CDS2: variants seen among roughly 807,000 people sequenced by gnomAD.
CDS2 encodes the protein phosphatidate cytidylyltransferase 2.
Under a neutral mutation model 59.0 loss-of-function variants are expected in CDS2, and 47 were observed. The observed-to-expected ratio is 0.80, with a 90% CI of 0.63 to 1.02. The LOEUF (loss-of-function observed/expected upper bound fraction) is 1.02. Ranked by LOEUF, CDS2 falls within the 50% of genes least tolerant of loss-of-function variation. The probability of loss-of-function intolerance (pLI) is 0.00; values close to 1 mark genes in which losing one functional copy is unlikely to be tolerated. For missense variants in CDS2, 356 were observed against 558.9 expected (o/e 0.64, Z 3.66); for synonymous variants, 207 against 206.4 (o/e 1.00, Z -0.02).
intron 1 of CDS2, among the ~76,000 whole-genome samples, chr20:5,127,761 G>A (rs992758059): frequency 2.6e-5 from 4 of 152,168 alleles, no homozygotes; most frequent in African/African-American, 9.7e-5. Context: ...GGTGGGTAGG[G>A]GAGGAGAGTA....
Position 5,184,351 on chromosome 20 carries a change from T to C in CDS2, c.672-507T>C, listed in dbSNP as rs2091051920. 1.3e-5 allele frequency among the ~76,000 whole-genome samples: 2 copies of C among 151,960 alleles called. No homozygotes were observed. The highest frequency in any genetic ancestry group is 1.3e-4 in the Admixed American group (2 of 15,252). On this transcript the variant is annotated intron_variant, in intron 7 of 12. Coordinates refer to ENST00000460006, the MANE Select transcript of CDS2 (RefSeq NM_003818.4). This position sits in a 1 kb window ranked among gnomAD's most constrained non-coding sequence, Gnocchi z 4.3. ...TGCGTGTTGGGGTTTCACACTCAAA[T>C]ACAGTCCTGGGGAAAGATAGGGCCA...
intron 1 of CDS2, among the ~76,000 whole-genome samples, chr20:5,143,611 T>TTTC (rs573730329): frequency 3.5e-4 from 53 of 150,946 alleles, no homozygotes; most frequent in African/African-American, 7.6e-4. Flanking sequence ...TCTTTTTCTT[T>TTTC]TTCTTCTTCT....
chr20:5,151,208 A>G (rs1457380866), intron 1 of CDS2, among the ~76,000 whole-genome samples: 3 of 152,248 alleles, frequency 2.0e-5, no homozygotes, highest in African/African-American at 4.8e-5. Flanking sequence ...GACATATGAT[A>G]TACTTAGTAT....
At chr20:5,174,737 T>A (rs889178346) in intron 2 of CDS2, among the ~76,000 whole-genome samples, 118 of 151,254 alleles carry the variant, frequency 7.8e-4, no homozygotes, top group African/African-American at 2.6e-3. Context: ...AAAAAAAAAA[T>A]TATGCATATT....
At position 5,178,901 on chromosome 20, in the gene CDS2, T is replaced by C. The variant is rs1184456357; in HGVS notation, c.474T>C (p.Pro158=). Residue 158 remains proline, a synonymous_variant, in exon 5 of 13, where the codon CCT becomes CCC. Transcript: ENST00000460006. ...TCACCCTGGTCCAGAGAGAAGAGCCTTTGCGGATTCTCAGTAAATACCACC... is the reference window on the plus strand; with the variant it reads ...TCACCCTGGTCCAGAGAGAAGAGCCCTTGCGGATTCTCAGTAAATACCACC... ...YFFTLVQREE[P]LRILSKYHRF... 1 of 1,614,082 alleles carries C rather than the reference T, an allele frequency of 6.2e-7. No homozygotes were observed.
intron 1 of CDS2, among the ~76,000 whole-genome samples, chr20:5,132,743 T>C (rs2090617707): frequency 6.6e-6 from 1 of 152,220 alleles, no homozygotes; most frequent in South Asian, 2.1e-4. Context: ...TTCTTATTTT[T>C]GTTGCTCAAA....
At chr20:5,187,055 T>A (rs2091074776) in intron 10 of CDS2, 1 of 485,486 alleles carries the variant, frequency 2.1e-6, no homozygotes, top group East Asian at 3.4e-5. Flanking sequence ...TCAAAGTGTG[T>A]TCTGTGGATC....
At chr20:5,176,806 C>T in intron 4 of CDS2, 61 bp downstream of exon 4, 1 of 1,145,846 alleles carries the variant, frequency 8.7e-7, no homozygotes, top group Non-Finnish European at 1.3e-6. Flanking sequence ...GTGGCAGGTA[C>T]TTACAGTGAC....
intron 1 of CDS2, among the ~76,000 whole-genome samples, chr20:5,132,979 T>A (rs1267836763): frequency 2.0e-5 from 3 of 150,688 alleles, no homozygotes; most frequent in African/African-American, 4.9e-5. Context: ...GAGACCATCC[T>A]GGCTAAGACG....
intron 1 of CDS2, among the ~76,000 whole-genome samples, 173 bp downstream of exon 1, chr20:5,127,322 G>A (rs866283040): frequency 1.3e-5 from 2 of 152,216 alleles, no homozygotes; most frequent in African/African-American, 4.8e-5. Context: ...CGGCGCGCGC[G>A]TCAGGGGTCG....
rs1423774672 is a variant in CDS2 at position 5,196,664 on chromosome 20, AG to A, written c.*6431del. On this transcript the variant is annotated 3_prime_UTR_variant, in exon 13 of 13. Coordinates refer to ENST00000460006, the MANE Select transcript of CDS2 (RefSeq NM_003818.4). ...GAACAGCAGAGTAGAAAAGAGGTTG[AG>A]AATGTTTTCTAGCAGGCAGAATGTG... The A allele has an allele frequency of 6.6e-6, 1 of 152,238 alleles. No individual in the cohort carries two copies. The highest frequency in any genetic ancestry group is 2.4e-5 in the African/African-American group (1 of 41,442). 9.4% of individuals were successfully genotyped at this position (152,238 alleles called of 1,614,324 possible). A position where few individuals can be genotyped will look rare whatever the true frequency, so the allele number is the denominator to read the frequency against.
intron 1 of CDS2, among the ~76,000 whole-genome samples, chr20:5,144,495 T>G (rs1357945466): frequency 6.6e-6 from 1 of 152,190 alleles, no homozygotes; most frequent in Non-Finnish European, 1.5e-5. Flanking sequence ...AACTTTAATC[T>G]TCCTATGATG....
intron 1 of CDS2, among the ~76,000 whole-genome samples, chr20:5,154,071 A>G (rs1288577178): frequency 6.6e-6 from 1 of 151,820 alleles, no homozygotes; most frequent in Non-Finnish European, 1.5e-5. Context: ...ATTTCTTTCC[A>G]CCCCGTTCCC....
intron 1 of CDS2, among the ~76,000 whole-genome samples, chr20:5,158,975 G>C (rs901172890): frequency 3.9e-4 from 59 of 152,174 alleles, no homozygotes; most frequent in Non-Finnish European, 1.6e-4. Context: ...TGAGGCACTT[G>C]ATGTTAGGAA....
intron 1 of CDS2, among the ~76,000 whole-genome samples, chr20:5,128,910 A>G (rs1217140838): frequency 6.6e-6 from 1 of 152,170 alleles, no homozygotes. Flanking sequence ...ACTATGTACA[A>G]TAATTAGAAT....
intron 1 of CDS2, among the ~76,000 whole-genome samples, chr20:5,161,490 A>G (rs1301228641): frequency 3.3e-5 from 5 of 152,246 alleles, no homozygotes; most frequent in Admixed American, 2.6e-4. Context: ...CAGAGTCCCA[A>G]GGATTCAATC....
At chr20:5,132,973 C>T (rs2090619531) in intron 1 of CDS2, among the ~76,000 whole-genome samples, 1 of 151,386 alleles carries the variant, frequency 6.6e-6, no homozygotes, top group Non-Finnish European at 1.5e-5. Flanking sequence ...GACATTGAGA[C>T]CATCCTGGCT....
At chr20:5,154,470 T>G (rs1425411293) in intron 1 of CDS2, among the ~76,000 whole-genome samples, 2 of 152,200 alleles carry the variant, frequency 1.3e-5, no homozygotes, top group African/African-American at 4.8e-5. Context: ...TCTTCCACTC[T>G]GAGCATTCGT....
At chr20:5,139,200 G>A (rs11697688) in intron 1 of CDS2, among the ~76,000 whole-genome samples, 19,887 of 152,082 alleles carry the variant, frequency 0.13, 1,548 homozygotes, top group Middle Eastern at 0.23. Flanking sequence ...AAATTAGCCC[G>A]GTGTGGGAGC....
Sources: allele counts gnomAD v4.1 joint callset (sites outside exome capture counted in the v4.1 genomes callset), GRCh38; gene constraint gnomAD v4.1.1; non-coding constraint Gnocchi (gnomAD v3.1); transcripts MANE v1.5; gene names NCBI Gene and HGNC (gene_info 2026-07-23, HGNC 2026-07-21).